The following HEATR1 variants were observed in gnomAD, a reference collection of about 807,000 sequenced individuals.
HEATR1 encodes the protein HEAT repeat containing 1.
Under a neutral mutation model 248.2 loss-of-function variants are expected in HEATR1, and 77 were observed. The ratio of observed to expected loss-of-function variants is 0.31; its 90% confidence interval spans 0.26 to 0.37. The LOEUF (loss-of-function observed/expected upper bound fraction) is 0.37. Among genes scored for constraint, HEATR1 ranks in the 10% least tolerant of loss-of-function variants. The probability of loss-of-function intolerance (pLI) is 1.00; values close to 1 mark genes in which losing one functional copy is unlikely to be tolerated. For missense variants in HEATR1, 2,420 were observed against 2,504.9 expected (o/e 0.97, Z 0.72); for synonymous variants, 897 against 923.1 (o/e 0.97, Z 0.51).
In HEATR1 at chr1:236,572,805, G is replaced by C; in HGVS notation, c.3483C>G (p.Val1161=). ...TATCTGGTGGCTCCAGTTCTATTCG[G>C]ACTTGTTCAGCATTAACGGAAATCT... ...FKGISVNAEQ[V]RIELEPPDKA... Residue 1161 remains valine, a synonymous_variant, in exon 25 of 45, where the codon GTC becomes GTG. Transcript: ENST00000366582. 6.2e-7 allele frequency: 1 copy of C among 1,613,880 alleles called. No individual in the cohort carries two copies. Among genetic ancestry groups the C allele is most frequent in the Non-Finnish European group, 8.5e-7 (1 of 1,179,820 alleles).
intron 12 of HEATR1, among the ~76,000 whole-genome samples, chr1:236,589,976 T>G (rs972996982): frequency 9.9e-5 from 15 of 152,242 alleles, no homozygotes; most frequent in African/African-American, 3.1e-4. Context: ...CAGGGACTGC[T>G]TGAATGACTA....
In HEATR1 at chr1:236,592,636, G is replaced by A; in HGVS notation, c.1194-3C>T. 8.8e-7 allele frequency: 1 copy of A among 1,131,848 alleles called. No homozygotes were observed. The highest frequency in any genetic ancestry group is 1.4e-5 in the South Asian group (1 of 72,206). 70.1% of individuals were successfully genotyped at this position (1,131,848 alleles called of 1,614,324 possible). On this transcript the variant is annotated splice_polypyrimidine_tract_variant and splice_region_variant and intron_variant, in intron 9 of 44. Transcript: ENST00000366582. Reference sequence around the variant, plus strand: ...AAATATACTCTTCAAATAGAAGGCTGTAAAAAAAAAAACAGAAATATCAGC... The same window carrying A: ...AAATATACTCTTCAAATAGAAGGCTATAAAAAAAAAAACAGAAATATCAGC...
chr1:236,552,928 CATT>C (rs1280321948), intron 43 of HEATR1: 4 of 152,200 alleles, frequency 2.6e-5, no homozygotes, highest in African/African-American at 7.2e-5. Flanking sequence ...ATAATAGTCT[CATT>C]GTTAGCATAT....
intron 10 of HEATR1, 24 bp downstream of exon 10, chr1:236,592,499 C>A (rs1373833019): frequency 1.1e-6 from 1 of 911,606 alleles, no homozygotes; most frequent in Admixed American, 1.9e-5. Flanking sequence ...TTTAGAAGAG[C>A]ATAAACATAC....
rs535290678 is a variant in HEATR1 at position 236,574,920 on chromosome 1, TTAG to T, written c.3085-20_3085-18del. On this transcript the variant is annotated intron_variant, in intron 22 of 44. Coordinates refer to ENST00000366582, the MANE Select transcript of HEATR1 (RefSeq NM_018072.6). ...AAGCACCATCTAAAGATCCAAAGACTTAGTAGTAAATAGTTATGTATACTGATA... is the reference window on the plus strand; with the variant it reads ...AAGCACCATCTAAAGATCCAAAGACTTAGTAAATAGTTATGTATACTGATA... 1.6e-5 allele frequency: 25 copies of T among 1,609,100 alleles called. 1 individual carries two copies. The South Asian group carries it at 2.3e-4, about 15-fold the overall frequency.
At chr1:236,582,099 T>TTTTA (rs994514964) in intron 19 of HEATR1, among the ~76,000 whole-genome samples, 2 of 152,078 alleles carry the variant, frequency 1.3e-5, no homozygotes, top group Admixed American at 1.3e-4. Context: ...CACAGTATCT[T>TTTTA]TTTATTTATT....
At chr1:236,575,948 G>A (rs1663551601) in intron 22 of HEATR1, among the ~76,000 whole-genome samples, 6 of 152,136 alleles carry the variant, frequency 3.9e-5, no homozygotes, top group African/African-American at 2.4e-5. Flanking sequence ...CATGAGACAC[G>A]AGACTGTTAA....
chr1:236,601,677 C>T (rs934746974), intron 3 of HEATR1, among the ~76,000 whole-genome samples: 1 of 80,892 alleles, frequency 1.2e-5, no homozygotes, highest in Non-Finnish European at 3.4e-5. Flanking sequence ...AACAAACAAA[C>T]AAAAAAAAAA....
In HEATR1 at chr1:236,556,487, C is replaced by T. The variant is rs553930360; in HGVS notation, c.5356-229G>A. Among the ~76,000 whole-genome samples the T allele has an allele frequency of 3.9e-4, 60 of 152,330 alleles. 1 individual carries two copies. The highest frequency in any genetic ancestry group is 1.2e-3 in the South Asian group (6 of 4,828). ...GACGAAGGCCGATGGTAGACGCAGA[C>T]GCACACACAGCACCCAGACAGATGA... On this transcript the variant is annotated intron_variant, in intron 37 of 44. Coordinates refer to ENST00000366582, the MANE Select transcript of HEATR1 (RefSeq NM_018072.6).
chr1:236,595,570 G>A lies in HEATR1; in HGVS notation c.1060C>T (p.Leu354=). ...ACATGATGAATGATGGAGACGACCAGATGGGGAAGCATGTAATGCAGAAGA... is the reference window on the plus strand; with the variant it reads ...ACATGATGAATGATGGAGACGACCAAATGGGGAAGCATGTAATGCAGAAGA... ...SPLLHYMLPH[L]VVSIIHHVTG... Residue 354 remains leucine, a synonymous_variant, in exon 8 of 45, where the codon CTG becomes TTG. Transcript: ENST00000366582. 1.2e-6 allele frequency: 2 copies of A among 1,612,654 alleles called. No individual in the cohort carries two copies. Among genetic ancestry groups the A allele is most frequent in the East Asian group, 2.2e-5 (1 of 44,832 alleles).
In HEATR1 at chr1:236,568,882, T is replaced by C. The variant is rs187125336; in HGVS notation, c.4077+114A>G. 5.3e-5 allele frequency: 27 copies of C among 513,122 alleles called. 1 individual carries two copies. The Admixed American group carries it at 1.2e-3, about 23-fold the overall frequency. 31.8% of individuals were successfully genotyped at this position (513,122 alleles called of 1,614,324 possible). ...AAGGCTTTTATACAACTGTTGAGGA[T>C]ATTAAAAAAAAAAAACAAAAAAAAA... On this transcript the variant is annotated intron_variant, in intron 29 of 44. Coordinates refer to ENST00000366582, the MANE Select transcript of HEATR1 (RefSeq NM_018072.6).
rs1351402154 is a variant in HEATR1 at position 236,585,052 on chromosome 1, CTTT to C, written c.2211_2213del (p.Ile737_Lys738delinsMet). 1.9e-6 allele frequency: 3 copies of C among 1,613,018 alleles called. No individual in the cohort carries two copies. The highest frequency in any genetic ancestry group is 2.7e-5 in the African/African-American group (2 of 74,768). On this transcript the variant is annotated inframe_deletion, in exon 17 of 45. Transcript: ENST00000366582. ...CTGCAGTAATGACACTTTCAAGCTT[CTTT>C]ATTTTTTTCTGCAACAAACTGAAGA...
chr1:236,558,858 A>G, intron 35 of HEATR1, 137 bp downstream of exon 35: 5 of 796,118 alleles, frequency 6.3e-6, no homozygotes, highest in Non-Finnish European at 9.8e-6. Flanking sequence ...ACATTTTAAA[A>G]CATGTCATGG....
chr1:236,591,750 C>T (rs1664044139), intron 11 of HEATR1, among the ~76,000 whole-genome samples: 1 of 152,028 alleles, frequency 6.6e-6, no homozygotes, highest in Non-Finnish European at 1.5e-5. Context: ...ACAAAATTCT[C>T]AAACAATACT....
intron 41 of HEATR1, among the ~76,000 whole-genome samples, chr1:236,555,072 T>C (rs1662921996): frequency 6.6e-6 from 1 of 152,210 alleles, no homozygotes; most frequent in African/African-American, 2.4e-5. Flanking sequence ...GTAACGGCCA[T>C]TTACTTTATT....
chr1:236,558,568 GCAAAAAATGTTTGTC>G, intron 35 of HEATR1, 39 bp from the exon 36 acceptor site: 1 of 1,555,038 alleles, frequency 6.4e-7, no homozygotes, highest in Non-Finnish European at 8.7e-7. Flanking sequence ...CATTAAAGCT[GCAAAAAATGTTTGTC>G]CATTTTCCCA....
intron 14 of HEATR1, 54 bp from the exon 15 acceptor site, chr1:236,586,506 G>A: frequency 8.0e-7 from 1 of 1,244,816 alleles, no homozygotes; most frequent in Non-Finnish European, 1.2e-6. Flanking sequence ...GGCTTCAATT[G>A]GGCAAAAATT....
intron 24 of HEATR1, among the ~76,000 whole-genome samples, chr1:236,573,517 T>C (rs1054381865): frequency 2.1e-5 from 3 of 139,950 alleles, no homozygotes; most frequent in African/African-American, 5.1e-5. Flanking sequence ...AACTAGGTAT[T>C]AGATAATACC....
chr1:236,574,114 C>G lies in HEATR1; in HGVS notation c.3459+88G>C, dbSNP rs536897865. 6 of 1,205,276 alleles carry G rather than the reference C, an allele frequency of 5.0e-6. No homozygotes were observed. In the East Asian group the frequency reaches 1.6e-4, roughly 32 times the overall value. 74.7% of individuals were successfully genotyped at this position (1,205,276 alleles called of 1,614,324 possible). On this transcript the variant is annotated intron_variant, in intron 24 of 44. Transcript: ENST00000366582. ...GGTAACATCTGACCTCTTACAAGCA[C>G]TATAAAATACAGGACTCTTAAACAT...
Sources: gnomAD v4.1 joint callset for allele counts (sites outside exome capture counted in the v4.1 genomes callset) on GRCh38, gnomAD v4.1.1 for gene constraint, MANE v1.5 for transcripts, NCBI Gene and HGNC (gene_info 2026-07-23, HGNC 2026-07-21) for gene names.